Variants in TSPEAR observed in about 807,000 individuals in gnomAD.
TSPEAR encodes the protein thrombospondin type laminin G domain and EAR repeats.
Under a neutral mutation model 71.6 loss-of-function variants are expected in TSPEAR, and 69 were observed. The ratio of observed to expected loss-of-function variants is 0.96; its 90% CI spans 0.79 to 1.18. The LOEUF (loss-of-function observed/expected upper bound fraction) is 1.18. Among genes scored for constraint, TSPEAR ranks in the 50% most tolerant of loss-of-function variants. The pLI, the probability that TSPEAR is intolerant of heterozygous loss-of-function variation, is 0.00. For missense variants in TSPEAR, 971 were observed against 894.9 expected, an observed-to-expected ratio of 1.09 and a Z score of -1.09; for synonymous variants, 402 against 387.2, an observed-to-expected ratio of 1.04 and a Z score of -0.45.
intron 1 of TSPEAR, chr21:44,580,718 GAC>G: frequency 1.2e-6 from 1 of 843,020 alleles, no homozygotes; most frequent in Non-Finnish European, 1.9e-6. Flanking sequence ...GTGTTGTCCC[GAC>G]AGGAGGCTCC....
At chr21:44,614,566 C>T (rs587713231) in intron 1 of TSPEAR, among the ~76,000 whole-genome samples, 11 of 152,326 alleles carry the variant, frequency 7.2e-5, no homozygotes, top group East Asian at 1.9e-4. Flanking sequence ...GCCGTGTGGC[C>T]GGGCTCCGGA....
chr21:44,545,433 T>C (rs57063704), intron 2 of TSPEAR, among the ~76,000 whole-genome samples: 3,784 of 152,100 alleles, frequency 0.025, 144 homozygotes, highest in African/African-American at 0.084. Context: ...TGCAGAAACA[T>C]CCAACCCAAC....
chr21:44,587,307 A>C lies in TSPEAR; in HGVS notation c.83-19302T>G, dbSNP rs113448310. Reference sequence around the variant, plus strand: ...TTTTACAATAGCTGCAAAAAAATAAAATACTCAGGAATATACCTACCCAAG... The same window carrying C: ...TTTTACAATAGCTGCAAAAAAATAACATACTCAGGAATATACCTACCCAAG... On this transcript the variant is annotated intron_variant, in intron 1 of 11. Transcript: ENST00000323084. Among the ~76,000 whole-genome samples the C allele has an allele frequency of 5.8e-3, 877 of 152,340 alleles. 17 individuals carry two copies. The highest frequency in any genetic ancestry group is 0.02 in the African/African-American group (836 of 41,570).
chr21:44,598,119 A>G (rs782171464), intron 1 of TSPEAR, among the ~76,000 whole-genome samples: 1 of 151,382 alleles, frequency 6.6e-6, no homozygotes, highest in Non-Finnish European at 1.5e-5. Context: ...CTACATGCCC[A>G]GGCATGCCGC....
chr21:44,539,029 G>T, intron 2 of TSPEAR: 2 of 583,668 alleles, frequency 3.4e-6, no homozygotes, highest in South Asian at 4.4e-5. Flanking sequence ...GGTGCTGAGA[G>T]GTTCAAGTCG....
chr21:44,538,347 G>A (rs969332191), intron 2 of TSPEAR, among the ~76,000 whole-genome samples: 8 of 151,630 alleles, frequency 5.3e-5, no homozygotes, highest in African/African-American at 1.7e-4. Flanking sequence ...TGAGAGTGTC[G>A]CTGACTGTGT....
chr21:44,581,629 G>A (rs782227364), intron 1 of TSPEAR, among the ~76,000 whole-genome samples: 15 of 152,112 alleles, frequency 9.9e-5, no homozygotes, highest in Non-Finnish European at 1.3e-4. Flanking sequence ...TCTGTGGTTA[G>A]AATTCATTGA....
intron 1 of TSPEAR, among the ~76,000 whole-genome samples, chr21:44,706,161 G>A (rs1987903186): frequency 6.6e-6 from 1 of 152,160 alleles, no homozygotes; most frequent in Non-Finnish European, 1.5e-5. Flanking sequence ...CCCACCAACC[G>A]GCGGCCTAGG....
At position 44,625,437 on chromosome 21, in the gene TSPEAR, A is replaced by AT. The variant is rs1252793766; in HGVS notation, c.83-57433dup. Reference sequence around the variant, plus strand: ...CAAGACTCTGGTCTCTACAAAAAAAATTTTTTTTTACAAAAAGAAATATTG... The same window carrying AT: ...CAAGACTCTGGTCTCTACAAAAAAAATTTTTTTTTTACAAAAAGAAATATTG... On this transcript the variant is annotated intron_variant, in intron 1 of 11. Coordinates refer to ENST00000323084, the MANE Select transcript of TSPEAR (RefSeq NM_144991.3). Among the ~76,000 whole-genome samples the AT allele has an allele frequency of 5.9e-5, 9 of 151,720 alleles. 1 individual carries two copies. The highest frequency in any genetic ancestry group is 2.0e-4 in the Admixed American group (3 of 15,246).
chr21:44,513,988 G>A (rs2052477010), intron 9 of TSPEAR, among the ~76,000 whole-genome samples: 2 of 152,118 alleles, frequency 1.3e-5, no homozygotes, highest in Admixed American at 6.5e-5. Flanking sequence ...CAACTCTTGG[G>A]TGCCCCCCGT....
Position 44,556,653 on chromosome 21 carries a change from C to T in TSPEAR, c.303+11132G>A, listed in dbSNP as rs587740808. ...GTTGCAGTGAGCCGAGATCGCACCA[C>T]TGCACTCCAGTCTGGGCAACAGAGC... On this transcript the variant is annotated intron_variant, in intron 2 of 11. Coordinates refer to ENST00000323084, the MANE Select transcript of TSPEAR (RefSeq NM_144991.3). Among the ~76,000 whole-genome samples, 6 of 152,298 alleles carry T rather than the reference C, an allele frequency of 3.9e-5. No homozygotes were observed. The East Asian group carries it at 1.2e-3, about 29-fold the overall frequency.
rs587667013 is a variant in TSPEAR at position 44,593,086 on chromosome 21, C to T, written c.83-25081G>A. Among the ~76,000 whole-genome samples, 3 of 152,218 alleles carry T rather than the reference C, an allele frequency of 2.0e-5. No individual in the cohort carries two copies. Among genetic ancestry groups the T allele is most frequent in the African/African-American group, 7.2e-5 (3 of 41,450 alleles). On this transcript the variant is annotated intron_variant, in intron 1 of 11. Transcript: ENST00000323084. The surrounding 1 kb of genome is among the most constrained non-coding windows in gnomAD (Gnocchi z 5.9). ...CTCCGGCCCTGTTTCGTGTCCACCT[C>T]GTCTTTGTGTTTTGGAGGCAGCAGG...
intron 1 of TSPEAR, chr21:44,647,090 C>T: frequency 6.2e-7 from 1 of 1,613,136 alleles, no homozygotes; most frequent in Non-Finnish European, 8.5e-7. Context: ...TGCTCTAGGG[C>T]TTCCTCTTCA....
intron 1 of TSPEAR, chr21:44,579,434 G>T (rs1978714284): frequency 1.3e-5 from 6 of 471,008 alleles, no homozygotes; most frequent in Non-Finnish European, 2.3e-5. Context: ...GTATCCCCAG[G>T]AGCACTACAG....
chr21:44,512,929 G>A (rs943597708), intron 9 of TSPEAR, among the ~76,000 whole-genome samples: 1 of 152,186 alleles, frequency 6.6e-6, no homozygotes, highest in Admixed American at 6.5e-5. Context: ...GCGGCTCAGA[G>A]GCTGCTCAAG....
intron 1 of TSPEAR, among the ~76,000 whole-genome samples, chr21:44,654,061 T>A (rs939432565): frequency 1.4e-4 from 22 of 152,224 alleles, no homozygotes; most frequent in African/African-American, 5.1e-4. Flanking sequence ...CGGAGGGCCC[T>A]GTGGATGGCC....
chr21:44,539,554 ACAGCAGATGGGCTTG>A, intron 2 of TSPEAR: 1 of 1,613,442 alleles, frequency 6.2e-7, no homozygotes, highest in African/African-American at 1.3e-5. Flanking sequence ...AGACGGGCAC[ACAGCAGATGGGCTTG>A]CAGCAGACAG....
At chr21:44,652,045 G>A (rs1462633602) in intron 1 of TSPEAR, among the ~76,000 whole-genome samples, 1 of 148,544 alleles carries the variant, frequency 6.7e-6, no homozygotes, top group Non-Finnish European at 1.5e-5. Flanking sequence ...GTGCAGTGGC[G>A]CGATCTCGGC....
At chr21:44,518,720 C>T (rs1555913863) in intron 9 of TSPEAR, 3 of 470,188 alleles carry the variant, frequency 6.4e-6, no homozygotes, top group East Asian at 7.0e-5. Context: ...CTGCCTACGT[C>T]TTCTTTCAGG....
Sources: allele counts gnomAD v4.1 joint callset (sites outside exome capture counted in the v4.1 genomes callset), GRCh38; gene constraint gnomAD v4.1.1; non-coding constraint Gnocchi (gnomAD v3.1); transcripts MANE v1.5; gene names NCBI Gene and HGNC (gene_info 2026-07-23, HGNC 2026-07-21).